AKNA: variants seen among roughly 807,000 people sequenced by gnomAD.
The protein encoded by AKNA is AT-hook transcription factor.
Under a neutral mutation model 138.8 loss-of-function variants are expected in AKNA, and 67 were observed. The ratio of observed to expected loss-of-function variants is 0.48; its 90% confidence interval spans 0.40 to 0.59. The LOEUF (loss-of-function observed/expected upper bound fraction) is 0.59, where lower values mean the gene tolerates loss of function less well. Among genes scored for constraint, AKNA ranks in the 20% least tolerant of loss-of-function variants. The pLI, the probability that AKNA is intolerant of heterozygous loss-of-function variation, is 0.00. For synonymous variants in AKNA, 737 were observed against 754.4 expected, an observed-to-expected ratio of 0.98 and a Z score of 0.38; for missense variants, 1,813 against 1,880.4, an observed-to-expected ratio of 0.96 and a Z score of 0.66.
chr9:114,392,083 G>T (rs1207813074), upstream of AKNA, among the ~76,000 whole-genome samples: 1 of 132,436 alleles, frequency 7.6e-6, no homozygotes, highest in Non-Finnish European at 1.6e-5. Context: ...TCCAGCCTGG[G>T]CAACAGAGTA....
In AKNA at chr9:114,377,396, A is replaced by C. The variant is rs748024582; in HGVS notation, c.411T>G (p.Ala137=). The C allele has an allele frequency of 1.2e-6, 2 of 1,613,814 alleles. No individual in the cohort carries two copies. The highest frequency in any genetic ancestry group is 4.5e-5 in the East Asian group (2 of 44,840). ...GTLGSLEVEE[A]GESSSRLGYE... Reference sequence around the variant, plus strand: ...ACCCCAACCTTGAGGAGCTCTCTCCAGCCTCCTCAACCTCCAGACTTCCGA... The same window carrying C: ...ACCCCAACCTTGAGGAGCTCTCTCCCGCCTCCTCAACCTCCAGACTTCCGA... The change falls in exon 3 of 22, where the codon GCT becomes GCG. Residue 137 remains alanine (A), a synonymous_variant. Coordinates refer to ENST00000374088, the MANE Select transcript of AKNA (RefSeq NM_001317950.2).
At chr9:114,387,988 C>T (rs770474150), upstream of AKNA, 14 of 405,364 alleles carry the variant, frequency 3.5e-5, no homozygotes, top group Non-Finnish European at 6.2e-5. Flanking sequence ...GTTCTGCCAG[C>T]CCAAGCTGCT....
rs78980088 is a variant in AKNA, at chr9:114,381,308, C to T, written c.26G>A (p.Arg9His). The change falls in exon 2 of 22, where the codon CGC becomes CAC. Residue 9 changes from arginine (R) to histidine (H), a missense_variant. Coordinates refer to ENST00000374088, the MANE Select transcript of AKNA (RefSeq NM_001317950.2). MASSETEI[R>H]WAEPGLGKGP... ...CTTCCCCAGGCCAGGCTCAGCCCAG[C>T]GGATCTCAGTCTCCGAGCTGGCCAT... is the stretch of plus-strand genomic sequence containing the variant. 544 of 1,604,270 alleles carry T rather than the reference C, an allele frequency of 3.4e-4. 1 individual carries two copies. Among genetic ancestry groups the T allele is most frequent in the African/African-American group, 2.2e-3 (166 of 74,844 alleles).
Position 114,343,649 on chromosome 9 carries a change from G to T in AKNA, c.3757+59C>A. On this transcript the variant is annotated intron_variant, in intron 19 of 21. Transcript: ENST00000374088. ...GATCTTGTCAAGTACACACTCCCCTGAGGGCAAGAAGCTGCAGCCACAGCT... is the reference window on the plus strand; with the variant it reads ...GATCTTGTCAAGTACACACTCCCCTTAGGGCAAGAAGCTGCAGCCACAGCT... 4 of 1,549,960 alleles carry T rather than the reference G, an allele frequency of 2.6e-6. No homozygotes were observed. In the South Asian group the frequency reaches 3.3e-5, roughly 13 times the overall value.
At chr9:114,343,908 GTC>G (rs769654765) in intron 18 of AKNA, 105 bp from the exon 19 acceptor site, 1 of 1,006,414 alleles carries the variant, frequency 9.9e-7, no homozygotes, top group East Asian at 2.5e-5. Context: ...GGTTTTAATA[GTC>G]TCTGTCTCTC....
At chr9:114,384,804 G>A (rs1015113629) in intron 1 of AKNA, among the ~76,000 whole-genome samples, 4 of 152,194 alleles carry the variant, frequency 2.6e-5, no homozygotes, top group African/African-American at 9.7e-5. Flanking sequence ...GTTATAAGCA[G>A]ATTTTTGACT....
chr9:114,346,072 T>A, intron 17 of AKNA, 63 bp from the exon 18 acceptor site: 2 of 1,543,070 alleles, frequency 1.3e-6, no homozygotes, highest in Non-Finnish European at 1.8e-6. Flanking sequence ...TCTCAAGGAG[T>A]GGGTATGCCA....
intron 11 of AKNA, 98 bp downstream of exon 11, chr9:114,359,496 C>T (rs1831759958): frequency 3.8e-6 from 6 of 1,594,340 alleles, no homozygotes; most frequent in Non-Finnish European, 5.1e-6. Context: ...TAAGCCATGT[C>T]TAAACTGTGA....
chr9:114,378,979 G>A (rs907863628), intron 2 of AKNA, among the ~76,000 whole-genome samples: 3 of 152,138 alleles, frequency 2.0e-5, no homozygotes, highest in Admixed American at 6.5e-5. Context: ...ATGCCTCTAC[G>A]TCTCTTAACC....
intron 1 of AKNA, chr9:114,383,141 T>C (rs1390134342): frequency 4.4e-6 from 2 of 455,812 alleles, no homozygotes; most frequent in Admixed American, 2.4e-5. Context: ...AGAGGTGTGG[T>C]TTAAAAGTTC....
chr9:114,331,202 G>A (rs1829845289), downstream of AKNA, among the ~76,000 whole-genome samples: 1 of 152,086 alleles, frequency 6.6e-6, no homozygotes, highest in African/African-American at 2.4e-5. Flanking sequence ...TGTTGGAGAG[G>A]TGGTACCTTC....
chr9:114,379,765 T>C (rs533955131), intron 2 of AKNA, among the ~76,000 whole-genome samples: 1 of 152,320 alleles, frequency 6.6e-6, no homozygotes, highest in South Asian at 2.1e-4. Flanking sequence ...AAGCTAGGAA[T>C]TCAGTCTAAG....
intron 1 of AKNA, among the ~76,000 whole-genome samples, chr9:114,387,479 C>T (rs1289436681): frequency 2.6e-5 from 4 of 152,200 alleles, no homozygotes; most frequent in Non-Finnish European, 4.4e-5. Context: ...GACCACCCCC[C>T]GGCGCCGTCG....
chr9:114,373,703 A>G (rs368335084), intron 4 of AKNA, among the ~76,000 whole-genome samples: 3 of 147,978 alleles, frequency 2.0e-5, no homozygotes, highest in East Asian at 4.0e-4. Flanking sequence ...ACAAAGTAAG[A>G]CCCCGTCTCT....
chr9:114,381,006 G>C, intron 2 of AKNA, 54 bp downstream of exon 2: 2 of 1,273,640 alleles, frequency 1.6e-6, no homozygotes, highest in Non-Finnish European at 2.0e-6. Flanking sequence ...AAAAAAGAAC[G>C]TGTGATGTTT....
intron 4 of AKNA, 50 bp from the exon 5 acceptor site, chr9:114,368,645 C>T: frequency 7.7e-7 from 1 of 1,305,492 alleles, no homozygotes; most frequent in Admixed American, 3.3e-5. Flanking sequence ...AGGGGCAAAC[C>T]CACCTGAAAC....
chr9:114,331,498 C>T (rs892188199), downstream of AKNA: 42 of 1,304,526 alleles, frequency 3.2e-5, no homozygotes, highest in Non-Finnish European at 4.4e-5. Flanking sequence ...ACCTAGGACT[C>T]CTCACCTGTA....
At chr9:114,359,567 T>C (rs776713847) in intron 11 of AKNA, 27 bp downstream of exon 11, 2 of 1,614,064 alleles carry the variant, frequency 1.2e-6, no homozygotes, top group South Asian at 2.2e-5. Flanking sequence ...GAAACAAACA[T>C]TCTGCAGGAA....
rs774374141 is a variant in AKNA at position 114,368,613 on chromosome 9, C to T, written c.1417-18G>A. ...AGGTTCACCTGTGGAAGCAGGGAGG[C>T]ACAGCACAGCCAAGTCAGGGTAGGG... is the stretch of plus-strand genomic sequence containing the variant. On this transcript the variant is annotated intron_variant, in intron 4 of 21. Coordinates refer to ENST00000374088, the MANE Select transcript of AKNA (RefSeq NM_001317950.2). 2 of 1,358,240 alleles carry T rather than the reference C, an allele frequency of 1.5e-6. No homozygotes were observed. The highest frequency in any genetic ancestry group is 1.9e-6 in the Non-Finnish European group (2 of 1,046,972). The allele number at this position is 1,358,240 out of a possible 1,614,324, so 84.1% of individuals were successfully genotyped here.
Sources: allele counts gnomAD v4.1 joint callset (sites outside exome capture counted in the v4.1 genomes callset), GRCh38; gene constraint gnomAD v4.1.1; transcripts MANE v1.5; gene names NCBI Gene and HGNC (gene_info 2026-07-23, HGNC 2026-07-21).